Variants in DMD observed in about 807,000 individuals in gnomAD.
DMD encodes the protein dystrophin, also known as mutant dystrophin.
A neutral mutation model predicts 330.1 loss-of-function variants in DMD; 63 were observed. That is an observed-to-expected ratio of 0.19 (90% CI 0.16 to 0.24). DMD has a LOEUF of 0.24. DMD is among the 10% of genes least tolerant of loss of function. The probability of loss-of-function intolerance (pLI) is 1.00; values close to 1 mark genes in which losing one functional copy is unlikely to be tolerated. For synonymous variants in DMD, 1,223 were observed against 959.8 expected, an observed-to-expected ratio of 1.27 and a Z score of -5.07; for missense variants, 3,344 against 2,684.1, an observed-to-expected ratio of 1.25 and a Z score of -5.43.
intron 12 of DMD, among the ~76,000 whole-genome samples, chrX:32,606,327 C>G (rs984622534): frequency 9.1e-6 from 1 of 109,958 alleles, no homozygotes; most frequent in African/African-American, 3.3e-5. Context: ...ATAACGATCT[C>G]TAGTTCCATC....
chrX:32,755,296 A>C (rs2071358936), intron 7 of DMD, among the ~76,000 whole-genome samples: 1 of 100,532 alleles, frequency 9.9e-6, no homozygotes, highest in South Asian at 4.8e-4. Flanking sequence ...TCTCCTCTAA[A>C]AATATTGTCT....
intron 25 of DMD, among the ~76,000 whole-genome samples, chrX:32,462,873 T>C (rs965878892): frequency 9.0e-5 from 10 of 110,745 alleles, no homozygotes; most frequent in Non-Finnish European, 1.7e-4. Flanking sequence ...GATGGGAGAA[T>C]TGCTTGAGCC....
chrX:32,996,350 T>TA (rs34430996), intron 2 of DMD, among the ~76,000 whole-genome samples: 3,060 of 111,848 alleles, frequency 0.027, 74 homozygotes, highest in East Asian at 0.18. Flanking sequence ...TCCTATTACT[T>TA]AAAAAAGTAA....
At position 32,771,503 on chromosome X, in the gene DMD, T is replaced by TACACACACACACACACAC. The variant is rs754545800; in HGVS notation, c.649+37972_649+37989dup. Among the ~76,000 whole-genome samples, 816 of 105,775 alleles carry TACACACACACACACACAC rather than the reference T, an allele frequency of 7.7e-3. 6 individuals carry two copies. Among genetic ancestry groups the TACACACACACACACACAC allele is most frequent in the African/African-American group, 9.4e-3 (265 of 28,272 alleles). The allele number at this position is 105,775 out of a possible 115,157, so 91.9% of individuals were successfully genotyped here. A position where few individuals can be genotyped will look rare whatever the true frequency, so the allele number is the denominator to read the frequency against. On this transcript the variant is annotated intron_variant, in intron 7 of 78. Transcript: ENST00000357033. ...AAATTCCCTAATCCCATTTTGTTAA[T>TACACACACACACACACAC]ACACACACACACACACACACACTCT...
At chrX:32,798,300 C>T (rs778859049) in intron 7 of DMD, among the ~76,000 whole-genome samples, 6 of 109,284 alleles carry the variant, frequency 5.5e-5, no homozygotes, top group African/African-American at 2.1e-4. Flanking sequence ...TTATTAGTGA[C>T]TGGTTCCAAC....
chrX:32,519,318 T>C (rs1362588589), intron 17 of DMD, among the ~76,000 whole-genome samples: 3 of 108,260 alleles, frequency 2.8e-5, no homozygotes, highest in Non-Finnish European at 3.8e-5. Context: ...AATGTTCATT[T>C]CCAGGAGCTG....
At chrX:31,924,108 C>T (rs768367043) in intron 47 of DMD, among the ~76,000 whole-genome samples, 4 of 110,216 alleles carry the variant, frequency 3.6e-5, no homozygotes, top group East Asian at 2.9e-4. Context: ...TTTTTTTTTC[C>T]GGGGTTCCAT....
At chrX:32,419,986 T>A (rs777234167) in intron 29 of DMD, among the ~76,000 whole-genome samples, 3 of 111,821 alleles carry the variant, frequency 2.7e-5, no homozygotes, top group Non-Finnish European at 5.6e-5. Flanking sequence ...AAATTGGTCT[T>A]CTGCCCTGAC....
chrX:32,719,876 A>G (rs1474904457), intron 7 of DMD, among the ~76,000 whole-genome samples: 2 of 110,543 alleles, frequency 1.8e-5, no homozygotes, highest in African/African-American at 6.6e-5. Context: ...ATCACCAGAT[A>G]GACTCTATCA....
intron 30 of DMD, among the ~76,000 whole-genome samples, chrX:32,398,904 A>G (rs2098065837): frequency 9.0e-6 from 1 of 111,347 alleles, no homozygotes; most frequent in Non-Finnish European, 1.9e-5. Context: ...ACACAGCCCA[A>G]TAGAACAGAA....
At chrX:31,962,138 T>C (rs781017693) in intron 45 of DMD, among the ~76,000 whole-genome samples, 12 of 111,162 alleles carry the variant, frequency 1.1e-4, no homozygotes, top group Admixed American at 9.6e-5. Context: ...TGCCCTCCTG[T>C]AAAATTAAAA....
chrX:32,723,826 A>G (rs770824052), intron 7 of DMD, among the ~76,000 whole-genome samples: 7 of 109,956 alleles, frequency 6.4e-5, no homozygotes, highest in Middle Eastern at 4.7e-3. Context: ...AAGAATAATT[A>G]TCTTAGGCCA....
intron 54 of DMD, among the ~76,000 whole-genome samples, chrX:31,638,706 G>A (rs1389934882): frequency 2.7e-5 from 3 of 112,233 alleles, no homozygotes; most frequent in African/African-American, 9.7e-5. Flanking sequence ...CCTGTATGCA[G>A]GTATATCTGT....
intron 60 of DMD, among the ~76,000 whole-genome samples, chrX:31,391,148 T>C (rs1291900329): frequency 1.8e-5 from 2 of 111,908 alleles, no homozygotes; most frequent in Non-Finnish European, 3.8e-5. Context: ...ATTTTTCTTT[T>C]TATTTTATTT....
chrX:31,230,304 G>T (rs2147165233), intron 63 of DMD, among the ~76,000 whole-genome samples: 1 of 112,001 alleles, frequency 8.9e-6, no homozygotes, highest in African/African-American at 3.2e-5. Context: ...TTCCAGATGT[G>T]AAATGGTATT....
rs746178479 is a variant in DMD at position 32,217,130 on chromosome X, G to A, written c.6291-67C>T. The A allele has an allele frequency of 2.9e-5, 32 of 1,101,005 alleles. 1 individual carries two copies. In the South Asian group the frequency reaches 5.8e-4, roughly 20 times the overall value. The allele number at this position is 1,101,005 out of a possible 1,213,427, so 90.7% of individuals were successfully genotyped here. On this transcript the variant is annotated intron_variant, in intron 43 of 78. Transcript: ENST00000357033. ...ATGTAAAACAGATTATAGAGATATA[G>A]CGTATATTTTTTGGTTATACTGACA... is the stretch of plus-strand genomic sequence containing the variant.
intron 1 of DMD, among the ~76,000 whole-genome samples, chrX:33,151,208 G>A (rs1603357842): frequency 1.8e-5 from 2 of 112,136 alleles, no homozygotes; most frequent in Admixed American, 1.9e-4. Flanking sequence ...GTAACCCAAA[G>A]CTTTTCTTGT....
At chrX:32,675,812 A>C (rs1311480325) in intron 9 of DMD, among the ~76,000 whole-genome samples, 1 of 112,113 alleles carries the variant, frequency 8.9e-6, no homozygotes, top group Non-Finnish European at 1.9e-5. Context: ...GGGTTGTTAT[A>C]AACATTGAAT....
chrX:33,265,571 T>C (rs1246583604), intron 1 of DMD, among the ~76,000 whole-genome samples: 1 of 111,571 alleles, frequency 9.0e-6, no homozygotes, highest in Non-Finnish European at 1.9e-5. Context: ...AATGATTCCA[T>C]AGCATCAACA....
Sources: gnomAD v4.1 joint callset for allele counts (sites outside exome capture counted in the v4.1 genomes callset) on GRCh38, gnomAD v4.1.1 for gene constraint, MANE v1.5 for transcripts, NCBI Gene and HGNC (gene_info 2026-07-23, HGNC 2026-07-21) for gene names.